DNAJC15: variants seen among roughly 807,000 people sequenced by gnomAD.
DNAJC15 encodes DnaJ heat shock protein family (Hsp40) member C15, also known as dnaJ homolog subfamily C member 15.
DNAJC15 carries 27 observed loss-of-function variants against 22.4 expected under a neutral mutation model. The ratio of observed to expected loss-of-function variants is 1.20; its 90% CI spans 0.89 to 1.66. The LOEUF is 1.66. Ranked by LOEUF, DNAJC15 falls within the 40% of genes most tolerant of loss-of-function variation. The pLI is 0.00. For missense variants in DNAJC15, 208 were observed against 187.1 expected, an observed-to-expected ratio of 1.11 and a Z score of -0.65; for synonymous variants, 79 against 63.2, an observed-to-expected ratio of 1.25 and a Z score of -1.19.
chr13:43,040,731 GGTGTTTCTC>G (rs895591040), intron 1 of DNAJC15, among the ~76,000 whole-genome samples: 1 of 152,070 alleles, frequency 6.6e-6, no homozygotes, highest in Non-Finnish European at 1.5e-5. Context: ...GTCATTCTTG[GGTGTTTCTC>G]GGAGAGGGGG....
At chr13:43,078,508 T>G in intron 3 of DNAJC15, 104 bp from the exon 4 acceptor site, 1 of 820,860 alleles carries the variant, frequency 1.2e-6, no homozygotes, top group South Asian at 2.5e-5. Flanking sequence ...TTGAGTTGAC[T>G]TCTAGTAAAA....
chr13:43,039,612 T>C lies in DNAJC15; in HGVS notation c.108+15878T>C, dbSNP rs560294656. Among the ~76,000 whole-genome samples the C allele has an allele frequency of 8.5e-5, 13 of 152,358 alleles. No individual in the cohort carries two copies. The South Asian group carries it at 2.5e-3, about 29-fold the overall frequency. On this transcript the variant is annotated intron_variant, in intron 1 of 5. Coordinates refer to ENST00000379221, the MANE Select transcript of DNAJC15 (RefSeq NM_013238.3). ...TAGAAATTCATTGGCCAAAAAATTC[T>C]AATAAAATTTCAGTACAATAATAAA...
chr13:43,069,629 A>G (rs1236198707), intron 3 of DNAJC15, among the ~76,000 whole-genome samples: 1 of 152,218 alleles, frequency 6.6e-6, no homozygotes, highest in Non-Finnish European at 1.5e-5. Flanking sequence ...ACTGAAGACA[A>G]TATAAAGAAA....
chr13:43,048,456 C>T lies in DNAJC15; in HGVS notation c.109-17230C>T, dbSNP rs889508058. Among the ~76,000 whole-genome samples, 10 of 152,234 alleles carry T rather than the reference C, an allele frequency of 6.6e-5. No homozygotes were observed. In the South Asian group the frequency reaches 8.3e-4, roughly 13 times the overall value. ...GTGGTGAGCCGAGATTGCGCCATTGCGCTCTGGCTTGGGCAACAAGAGCAA... is the reference window on the plus strand; with the variant it reads ...GTGGTGAGCCGAGATTGCGCCATTGTGCTCTGGCTTGGGCAACAAGAGCAA... On this transcript the variant is annotated intron_variant, in intron 1 of 5. Transcript: ENST00000379221.
At chr13:43,032,215 ACT>A (rs1447756516) in intron 1 of DNAJC15, among the ~76,000 whole-genome samples, 1 of 151,970 alleles carries the variant, frequency 6.6e-6, no homozygotes, top group Non-Finnish European at 1.5e-5. Context: ...CATTGGTCTG[ACT>A]CTACTGGGAC....
chr13:43,099,974 TTCTC>T lies in DNAJC15; in HGVS notation c.383-7200_383-7197del, dbSNP rs564919685. Among the ~76,000 whole-genome samples, 58 of 152,196 alleles carry T rather than the reference TTCTC, an allele frequency of 3.8e-4. No homozygotes were observed. The East Asian group carries it at 9.8e-3, about 26-fold the overall frequency. Reference sequence around the variant, plus strand: ...TAAAATAAATTAGGAAATGTTCTCTTTCTCTCTTCTATAAGCCATCAGGGGCTGG... The same window carrying T: ...TAAAATAAATTAGGAAATGTTCTCTTTCTTCTATAAGCCATCAGGGGCTGG... On this transcript the variant is annotated intron_variant, in intron 5 of 5. Coordinates refer to ENST00000379221, the MANE Select transcript of DNAJC15 (RefSeq NM_013238.3).
chr13:43,082,106 G>A (rs1390304237), intron 4 of DNAJC15, among the ~76,000 whole-genome samples: 4 of 151,910 alleles, frequency 2.6e-5, no homozygotes, highest in Non-Finnish European at 5.9e-5. Flanking sequence ...GATTATGGGA[G>A]CTATAATTCA....
chr13:43,053,975 C>T (rs978630234), intron 1 of DNAJC15, among the ~76,000 whole-genome samples: 15 of 152,196 alleles, frequency 9.9e-5, no homozygotes, highest in African/African-American at 3.6e-4. Context: ...TGTAAGTGGG[C>T]ATCCTTGTCT....
intron 1 of DNAJC15, among the ~76,000 whole-genome samples, chr13:43,031,063 C>CA (rs750058124): frequency 1.3e-4 from 19 of 151,984 alleles, no homozygotes; most frequent in Non-Finnish European, 2.1e-4. Context: ...TTAAAGGGGG[C>CA]AGTCACGTGG....
intron 1 of DNAJC15, among the ~76,000 whole-genome samples, chr13:43,026,587 CAAA>C (rs2040381873): frequency 1.3e-5 from 2 of 150,594 alleles, no homozygotes; most frequent in African/African-American, 4.9e-5. Flanking sequence ...GAGAAGCTGA[CAAA>C]AGGTAAATAT....
chr13:43,082,777 A>G (rs961022170), intron 4 of DNAJC15, among the ~76,000 whole-genome samples: 1 of 152,138 alleles, frequency 6.6e-6, no homozygotes, highest in Non-Finnish European at 1.5e-5. Context: ...AAAACTTAAT[A>G]TCTAGAATAA....
At chr13:43,044,308 T>C (rs924947451) in intron 1 of DNAJC15, among the ~76,000 whole-genome samples, 1 of 152,234 alleles carries the variant, frequency 6.6e-6, no homozygotes, top group African/African-American at 2.4e-5. Context: ...TCCAAACATC[T>C]GGCTCATTCT....
chr13:43,091,613 CTT>C (rs1191577583), intron 5 of DNAJC15, among the ~76,000 whole-genome samples: 2 of 152,110 alleles, frequency 1.3e-5, no homozygotes, highest in Non-Finnish European at 1.5e-5. Context: ...TGTATCATCT[CTT>C]ATTAATCTGT....
chr13:43,092,034 C>A (rs2040717611), intron 5 of DNAJC15, among the ~76,000 whole-genome samples: 1 of 152,162 alleles, frequency 6.6e-6, no homozygotes, highest in Non-Finnish European at 1.5e-5. Context: ...TTGTTCAGAT[C>A]TTCTGCATTC....
At position 43,106,697 on chromosome 13, in the gene DNAJC15, A is replaced by T. The variant is rs1298684850; in HGVS notation, c.383-481A>T. ...AGTTGCCTTTTTAAACATACATTTT[A>T]TTTTTGTGACATTATAAGACTTGAT... On this transcript the variant is annotated intron_variant, in intron 5 of 5. Coordinates refer to ENST00000379221, the MANE Select transcript of DNAJC15 (RefSeq NM_013238.3). Among the ~76,000 whole-genome samples the T allele has an allele frequency of 2.6e-5, 4 of 151,922 alleles. No individual in the cohort carries two copies. The East Asian group carries it at 7.7e-4, about 29-fold the overall frequency.
intron 4 of DNAJC15, among the ~76,000 whole-genome samples, chr13:43,079,140 A>G (rs1401918248): frequency 6.6e-6 from 1 of 152,156 alleles, no homozygotes; most frequent in African/African-American, 2.4e-5. Context: ...ACTTTGGACA[A>G]TATGAGAGAA....
chr13:43,026,377 G>A (rs980820843), intron 1 of DNAJC15, among the ~76,000 whole-genome samples: 3 of 152,106 alleles, frequency 2.0e-5, no homozygotes, highest in African/African-American at 4.8e-5. Context: ...GGACTTCTAC[G>A]ATCAATGGTC....
At chr13:43,041,781 A>G (rs1226219864) in intron 1 of DNAJC15, among the ~76,000 whole-genome samples, 2 of 152,228 alleles carry the variant, frequency 1.3e-5, no homozygotes, top group African/African-American at 4.8e-5. Context: ...CTCCATGCAT[A>G]TACATACATC....
rs201811676 is a variant in DNAJC15 at position 43,036,157 on chromosome 13, A to C, written c.108+12423A>C. On this transcript the variant is annotated intron_variant, in intron 1 of 5. Coordinates refer to ENST00000379221, the MANE Select transcript of DNAJC15 (RefSeq NM_013238.3). ...ATTGTGATTGGACAAAATGTTTTTC[A>C]GTTTCTGTCTTTTTTTTTTTTTTTT... Among the ~76,000 whole-genome samples, 3 of 90,652 alleles carry C rather than the reference A, an allele frequency of 3.3e-5. No individual in the cohort carries two copies. The South Asian group carries it at 1.6e-3, about 48-fold the overall frequency. 59.5% of individuals were successfully genotyped at this position (90,652 alleles called of 152,430 possible). A position where few individuals can be genotyped will look rare whatever the true frequency, so the allele number is the denominator to read the frequency against.
Sources: allele counts gnomAD v4.1 joint callset (sites outside exome capture counted in the v4.1 genomes callset), GRCh38; gene constraint gnomAD v4.1.1; transcripts MANE v1.5; gene names NCBI Gene and HGNC (gene_info 2026-07-23, HGNC 2026-07-21).